DAB1: variants seen among roughly 807,000 people sequenced by gnomAD.
The protein encoded by DAB1 is disabled homolog 1.
A neutral mutation model predicts 64.6 loss-of-function variants in DAB1; 15 were observed. The ratio of observed to expected loss-of-function variants is 0.23; its 90% CI spans 0.16 to 0.36. The LOEUF is 0.36. DAB1 is among the 10% of genes least tolerant of loss of function. DAB1 has a pLI of 1.00. For synonymous variants in DAB1, 235 were observed against 251.9 expected (o/e 0.93, Z 0.64); for missense variants, 596 against 706.7 (o/e 0.84, Z 1.78).
chr1:57,037,926 G>T (rs1489902757), intron 9 of DAB1, among the ~76,000 whole-genome samples: 1 of 152,188 alleles, frequency 6.6e-6, no homozygotes, highest in Non-Finnish European at 1.5e-5. Flanking sequence ...TTCTCTATCT[G>T]TGCTGTCCAA....
At position 57,144,528 on chromosome 1, in the gene DAB1, T is replaced by C. The variant is rs558497490; in HGVS notation, c.207+762A>G. Among the ~76,000 whole-genome samples the C allele has an allele frequency of 2.8e-4, 43 of 152,104 alleles. No individual in the cohort carries two copies. In the South Asian group the frequency reaches 8.5e-3, roughly 30 times the overall value. The stretch of plus-strand genomic sequence containing the variant: ...GACCAACATGGTGAAACCCCGTCTC[T>C]ACTAAAAATACAAAAATTAGCCAGG... On this transcript the variant is annotated intron_variant, in intron 3 of 14. Coordinates refer to ENST00000371236, the MANE Select transcript of DAB1 (RefSeq NM_001365792.1).
chr1:57,088,947 C>T (rs571149864), intron 4 of DAB1, among the ~76,000 whole-genome samples: 98 of 152,282 alleles, frequency 6.4e-4, no homozygotes, highest in African/African-American at 2.3e-3. Flanking sequence ...GGCTAGAGGA[C>T]CGGAACGGTG....
chr1:57,967,939 CA>C (rs1042776049), intron 5 of DAB1, among the ~76,000 whole-genome samples: 3 of 152,116 alleles, frequency 2.0e-5, no homozygotes, highest in Middle Eastern at 3.2e-3. Flanking sequence ...GTATATAAAA[CA>C]GGAACACATC....
At chr1:57,335,069 G>T (rs1676969465) in intron 1 of DAB1, among the ~76,000 whole-genome samples, 1 of 152,096 alleles carries the variant, frequency 6.6e-6, no homozygotes, top group Non-Finnish European at 1.5e-5. Flanking sequence ...AATAAAATAA[G>T]TTAGTAGCAA....
chr1:58,357,128 G>A (rs904461828), intron 3 of DAB1, among the ~76,000 whole-genome samples: 2 of 151,816 alleles, frequency 1.3e-5, no homozygotes, highest in African/African-American at 4.8e-5. Context: ...CATGACACAT[G>A]TTTTAAAAAG....
chr1:57,010,949 C>A (rs2100292802), intron 13 of DAB1, among the ~76,000 whole-genome samples, 159 bp from the exon 14 acceptor site: 1 of 152,194 alleles, frequency 6.6e-6, no homozygotes, highest in South Asian at 2.1e-4. Flanking sequence ...CTTGTAGTAA[C>A]AATTTAATAA....
At chr1:57,346,397 A>C (rs372008540) in intron 1 of DAB1, among the ~76,000 whole-genome samples, 74 of 152,346 alleles carry the variant, frequency 4.9e-4, no homozygotes, top group African/African-American at 1.8e-3. Flanking sequence ...TTCAACAAAC[A>C]CAAAGACTAA....
chr1:58,087,141 T>C (rs1650365803), intron 5 of DAB1, among the ~76,000 whole-genome samples: 1 of 152,206 alleles, frequency 6.6e-6, no homozygotes, highest in Non-Finnish European at 1.5e-5. Context: ...TAATAACCCC[T>C]GTATAGCATG....
chr1:57,145,425 C>T lies in DAB1; in HGVS notation c.72G>A (p.Gln24=). 1 of 1,613,942 alleles carries T rather than the reference C, an allele frequency of 6.2e-7. No homozygotes were observed. The highest frequency in any genetic ancestry group is 8.5e-7 in the Non-Finnish European group (1 of 1,179,904). The change falls in exon 3 of 15, where the codon CAG becomes CAA. Residue 24 remains glutamine (Q), a synonymous_variant. Coordinates refer to ENST00000371236, the MANE Select transcript of DAB1 (RefSeq NM_001365792.1). ...TTATCAAAGTGGCTTCACTGCGATC[C>T]TGACCTAAAAAGAGAAAAAGCAGAT... The part of the protein sequence containing the change: ...SAKKDSRKKG[Q]DRSEATLIKR...
intron 3 of DAB1, among the ~76,000 whole-genome samples, chr1:58,417,909 G>T (rs1419897112): frequency 1.3e-5 from 2 of 152,094 alleles, no homozygotes. Context: ...GAAAGTGCTG[G>T]GTTCTCTCAC....
intron 3 of DAB1, chr1:58,505,987 C>T (rs1645982454): frequency 1.3e-6 from 1 of 756,356 alleles, no homozygotes; most frequent in South Asian, 1.7e-5. Flanking sequence ...TTTTACTAAG[C>T]AAAAGAAGTG....
chr1:58,179,915 A>G (rs1358263974), intron 4 of DAB1, among the ~76,000 whole-genome samples: 1 of 152,092 alleles, frequency 6.6e-6, no homozygotes, highest in African/African-American at 2.4e-5. Flanking sequence ...TGGATTGAAA[A>G]TATTTGGAAA....
chr1:57,590,590 C>T (rs770755871), intron 7 of DAB1, among the ~76,000 whole-genome samples: 29 of 152,158 alleles, frequency 1.9e-4, no homozygotes, highest in South Asian at 1.2e-3. Flanking sequence ...CTTGGCCTCC[C>T]AAAGTGCTAG....
chr1:57,581,976 G>A (rs1013905591), intron 7 of DAB1, among the ~76,000 whole-genome samples: 2 of 152,110 alleles, frequency 1.3e-5, no homozygotes, highest in African/African-American at 4.8e-5. Context: ...AGCAGATTTG[G>A]TTCCTGGTGA....
intron 2 of DAB1, among the ~76,000 whole-genome samples, chr1:58,519,021 T>C (rs1237909223): frequency 6.6e-6 from 1 of 152,174 alleles, no homozygotes; most frequent in Non-Finnish European, 1.5e-5. Flanking sequence ...CCAGAGTTCA[T>C]GCATTATCTC....
intron 1 of DAB1, among the ~76,000 whole-genome samples, chr1:57,356,880 C>T (rs996174065): frequency 6.6e-6 from 1 of 152,034 alleles, no homozygotes. Context: ...ACCGGAGAAG[C>T]AGTACTGGGT....
At chr1:57,303,432 C>A (rs909711606) in intron 1 of DAB1, among the ~76,000 whole-genome samples, 1 of 152,202 alleles carries the variant, frequency 6.6e-6, no homozygotes, top group African/African-American at 2.4e-5. Context: ...GCCTGACCAG[C>A]AGTCACAGCT....
intron 1 of DAB1, among the ~76,000 whole-genome samples, chr1:57,370,017 A>G (rs1680370869): frequency 6.6e-6 from 1 of 152,170 alleles, no homozygotes; most frequent in South Asian, 2.1e-4. Flanking sequence ...TGTCTTGAAC[A>G]GCATTCTTCC....
At chr1:57,813,355 T>C (rs1651714547) in intron 6 of DAB1, among the ~76,000 whole-genome samples, 1 of 152,242 alleles carries the variant, frequency 6.6e-6, no homozygotes, top group Non-Finnish European at 1.5e-5. Context: ...TTACTCCTCC[T>C]GAGCAAAGAC....
Sources: gnomAD v4.1 joint callset for allele counts (sites outside exome capture counted in the v4.1 genomes callset) on GRCh38, gnomAD v4.1.1 for gene constraint, MANE v1.5 for transcripts, NCBI Gene and HGNC (gene_info 2026-07-23, HGNC 2026-07-21) for gene names.